The following RASGRF2 variants were observed in gnomAD, a reference collection of about 807,000 sequenced individuals.
RASGRF2 encodes ras-specific guanine nucleotide-releasing factor 2.
RASGRF2 carries 76 observed loss-of-function variants against 151.0 expected under a neutral mutation model. The ratio of observed to expected loss-of-function variants is 0.50; its 90% confidence interval spans 0.42 to 0.61. RASGRF2 has a LOEUF of 0.61. RASGRF2 is among the 20% of genes least tolerant of loss of function. The pLI is 0.00. For missense variants in RASGRF2, 1,148 were observed against 1,564.6 expected (o/e 0.73, Z 4.49); for synonymous variants, 504 against 566.5 (o/e 0.89, Z 1.57).
chr5:80,969,812 C>CTT (rs1561531426), intron 1 of RASGRF2, among the ~76,000 whole-genome samples: 2 of 98,902 alleles, frequency 2.0e-5, no homozygotes, highest in Admixed American at 1.2e-4. Context: ...AATACTTCTT[C>CTT]TTCTTTTTTT....
chr5:81,113,866 G>A lies in RASGRF2; in HGVS notation c.2416G>A (p.Val806Ile). 6.2e-7 allele frequency: 1 copy of A among 1,614,216 alleles called. No individual in the cohort carries two copies. Among genetic ancestry groups the A allele is most frequent in the African/African-American group, 1.3e-5 (1 of 75,054 alleles). Residue 806 changes from valine (V) to isoleucine (I), a missense_variant, in exon 15 of 27, where the codon GTC becomes ATC. Val to Ile is a conservative substitution (Grantham distance 29). Transcript: ENST00000265080. ...AAGCCCGGGAACGGTAGAAGAGAAT[G>A]TCGATAACCCACGCGTGGATCTGTG... ...EQSPGTVEENVDNPRVDLCNK... is the reference protein window; with the variant it reads ...EQSPGTVEENIDNPRVDLCNK...
intron 17 of RASGRF2, among the ~76,000 whole-genome samples, chr5:81,174,740 G>T (rs749809241): frequency 5.1e-4 from 77 of 152,174 alleles, no homozygotes; most frequent in Non-Finnish European, 1.6e-4. Context: ...TGTCACATAA[G>T]AAATGTGATG....
At chr5:81,080,340 C>T (rs1216264820) in intron 6 of RASGRF2, 140 bp downstream of exon 6, 3 of 1,459,372 alleles carry the variant, frequency 2.1e-6, no homozygotes, top group Non-Finnish European at 2.7e-6. Flanking sequence ...ACCCTGTCTC[C>T]TTGCCTTTTG....
At chr5:81,032,347 A>T (rs936594130) in intron 1 of RASGRF2, among the ~76,000 whole-genome samples, 1 of 152,244 alleles carries the variant, frequency 6.6e-6, no homozygotes, top group Non-Finnish European at 1.5e-5. Context: ...CAACAAAAAA[A>T]GAGAATTTTA....
rs761015637 is a variant in RASGRF2 at position 81,108,993 on chromosome 5, C to T, written c.1756-3C>T. The T allele has an allele frequency of 6.3e-7, 1 of 1,598,044 alleles. No homozygotes were observed. Among genetic ancestry groups the T allele is most frequent in the East Asian group, 2.2e-5 (1 of 44,498 alleles). On this transcript the variant is annotated splice_region_variant and splice_polypyrimidine_tract_variant and intron_variant, in intron 12 of 26. Coordinates refer to ENST00000265080, the MANE Select transcript of RASGRF2 (RefSeq NM_006909.3). ...TTGTAATTGTCAACTTTTTATTTCA[C>T]AGTGTGTGGACAATATACGATGTAA...
chr5:81,193,360 G>C (rs1755190940), intron 18 of RASGRF2, among the ~76,000 whole-genome samples: 1 of 152,088 alleles, frequency 6.6e-6, no homozygotes, highest in Admixed American at 6.5e-5. Flanking sequence ...ATGCAAACTA[G>C]TTTATTCAGA....
chr5:81,021,201 A>G (rs473139), intron 1 of RASGRF2, among the ~76,000 whole-genome samples: 41,154 of 152,124 alleles, frequency 0.27, 5,938 homozygotes, highest in Middle Eastern at 0.48. Flanking sequence ...AATACCAGCA[A>G]AAGTTTGTAA....
chr5:81,199,723 C>T (rs555272931), intron 18 of RASGRF2, among the ~76,000 whole-genome samples: 52 of 151,724 alleles, frequency 3.4e-4, no homozygotes, highest in Non-Finnish European at 6.9e-4. Context: ...CATGGTGAAA[C>T]CCTGTATCTA....
chr5:81,049,008 C>T (rs1005347693), intron 2 of RASGRF2, among the ~76,000 whole-genome samples: 3 of 152,102 alleles, frequency 2.0e-5, no homozygotes, highest in African/African-American at 7.2e-5. Flanking sequence ...CCAGCTCTTC[C>T]TGGTGGGTTT....
intron 9 of RASGRF2, 132 bp downstream of exon 9, chr5:81,087,085 C>A: frequency 2.4e-6 from 2 of 836,802 alleles, no homozygotes; most frequent in South Asian, 1.4e-5. Flanking sequence ...CGGCCTTCGC[C>A]GAGGCGGTGG....
chr5:81,099,305 TTATTCAGCTGCATTATATTAAATA>T (rs1400630638), intron 12 of RASGRF2, among the ~76,000 whole-genome samples: 1 of 152,244 alleles, frequency 6.6e-6, no homozygotes, highest in African/African-American at 2.4e-5. Context: ...TGGCTATCTA[TTATTCAGCTGCATTATATTAAATA>T]TATTCAGCTG....
chr5:81,109,067 A>G lies in RASGRF2; in HGVS notation c.1827A>G (p.Pro609=). ...VFEENSKVTV[P]HMIKSDARLH... The stretch of plus-strand genomic sequence containing the variant: ...AAGAGAATTCCAAAGTCACTGTGCC[A>G]CATATGATTAAGTAAGTGTGAGAAT... The change falls in exon 13 of 27, where the codon CCA becomes CCG. Residue 609 remains proline, a synonymous_variant. Coordinates refer to ENST00000265080, the MANE Select transcript of RASGRF2 (RefSeq NM_006909.3). 6.2e-7 allele frequency: 1 copy of G among 1,610,506 alleles called. No homozygotes were observed. The highest frequency in any genetic ancestry group is 8.5e-7 in the Non-Finnish European group (1 of 1,177,140).
At chr5:81,036,611 C>T (rs1237790866) in intron 1 of RASGRF2, among the ~76,000 whole-genome samples, 2 of 152,028 alleles carry the variant, frequency 1.3e-5, no homozygotes, top group African/African-American at 4.8e-5. Context: ...CCACTCTTAA[C>T]TATAATTTTT....
intron 15 of RASGRF2, among the ~76,000 whole-genome samples, chr5:81,115,862 A>G (rs1279912339): frequency 6.6e-6 from 1 of 152,148 alleles, no homozygotes; most frequent in African/African-American, 2.4e-5. Context: ...ACATAACTAT[A>G]TGGGCAAGTG....
chr5:81,108,518 G>A lies in RASGRF2; in HGVS notation c.1756-478G>A, dbSNP rs926777337. Reference sequence around the variant, plus strand: ...AGAATACCTGAGAAGCAGAGGCAGAGCTTACTAGTGAGACAGAAGATGAAT... The same window carrying A: ...AGAATACCTGAGAAGCAGAGGCAGAACTTACTAGTGAGACAGAAGATGAAT... On this transcript the variant is annotated intron_variant, in intron 12 of 26. Transcript: ENST00000265080. 5.3e-4 allele frequency among the ~76,000 whole-genome samples: 81 copies of A among 152,300 alleles called. 1 individual carries two copies. Among genetic ancestry groups the A allele is most frequent in the Non-Finnish European group, 1.0e-4 (7 of 68,030 alleles).
rs80024089 is a variant in RASGRF2 at position 81,051,630 on chromosome 5, G to A, written c.395+8647G>A. On this transcript the variant is annotated intron_variant, in intron 2 of 26. Transcript: ENST00000265080. ...ACTTAGCATAATGTTTCCAAGCTTC[G>A]TCAATGTGGTAGCATATATTAGTAC... Among the ~76,000 whole-genome samples the A allele has an allele frequency of 5.4e-3, 825 of 152,200 alleles. 7 individuals carry two copies. The highest frequency in any genetic ancestry group is 0.017 in the African/African-American group (719 of 41,526).
intron 1 of RASGRF2, among the ~76,000 whole-genome samples, chr5:81,034,454 T>A (rs1750390773): frequency 2.0e-5 from 3 of 152,126 alleles, no homozygotes; most frequent in Admixed American, 2.0e-4. Context: ...ACTGGGTATA[T>A]ACCCAAAGGA....
chr5:81,121,504 T>C (rs558143668), intron 15 of RASGRF2, among the ~76,000 whole-genome samples: 2 of 152,364 alleles, frequency 1.3e-5, no homozygotes, highest in East Asian at 3.9e-4. Context: ...CAAAATTTTC[T>C]GGCAGGAGAA....
At chr5:81,056,043 G>T (rs1484903675) in intron 2 of RASGRF2, among the ~76,000 whole-genome samples, 2 of 151,882 alleles carry the variant, frequency 1.3e-5, no homozygotes, top group Non-Finnish European at 2.9e-5. Context: ...TCTTGCTAGT[G>T]GTCTATCAAT....
Sources: allele counts gnomAD v4.1 joint callset (sites outside exome capture counted in the v4.1 genomes callset), GRCh38; gene constraint gnomAD v4.1.1; transcripts MANE v1.5; gene names NCBI Gene and HGNC (gene_info 2026-07-23, HGNC 2026-07-21).